Variants in PPARGC1A observed in about 807,000 individuals in gnomAD.
The protein encoded by PPARGC1A is peroxisome proliferator-activated receptor gamma coactivator 1-alpha.
In PPARGC1A, 25 loss-of-function variants were observed where a neutral mutation model predicts 88.7. The ratio of observed to expected loss-of-function variants is 0.28; its 90% CI spans 0.21 to 0.39. The LOEUF (loss-of-function observed/expected upper bound fraction) is 0.39. Ranked by LOEUF, PPARGC1A falls within the 10% of genes least tolerant of loss-of-function variation. The probability of loss-of-function intolerance (pLI) is 1.00; values close to 1 mark genes in which losing one functional copy is unlikely to be tolerated. For missense variants in PPARGC1A, 880 were observed against 968.7 expected (o/e 0.91, Z 1.22); for synonymous variants, 363 against 355.6 (o/e 1.02, Z -0.24).
At chr4:24,118,937 C>A in the PPARGC1A span, among the ~76,000 whole-genome samples, 1 of 152,192 alleles carries the variant, frequency 6.6e-6, no homozygotes, top group African/African-American at 2.4e-5. Flanking sequence ...CTAAAAATAA[C>A]AAAAGGTGCA....
the PPARGC1A span, among the ~76,000 whole-genome samples, chr4:24,197,736 C>A: frequency 5.3e-5 from 8 of 152,200 alleles, no homozygotes; most frequent in Non-Finnish European, 1.2e-4. Context: ...TGCCACAGAA[C>A]CCAACAATCC....
At chr4:24,348,109 T>C in the PPARGC1A span, among the ~76,000 whole-genome samples, 1 of 152,224 alleles carries the variant, frequency 6.6e-6, no homozygotes, top group African/African-American at 2.4e-5. Context: ...ATAATTGCTT[T>C]GTTTGAGGAG....
chr4:23,982,807 T>C, the PPARGC1A span, among the ~76,000 whole-genome samples: 4 of 152,106 alleles, frequency 2.6e-5, no homozygotes, highest in African/African-American at 9.7e-5. Context: ...ATAACGTCTG[T>C]AAAGCAGTTG....
At chr4:24,051,187 C>CAAAAAAAAAAAAA in the PPARGC1A span, among the ~76,000 whole-genome samples, 1 of 58,618 alleles carries the variant, frequency 1.7e-5, no homozygotes, top group Non-Finnish European at 2.9e-5. Context: ...GACTCTGTCT[C>CAAAAAAAAAAAAA]AAAAAAAAAA....
the PPARGC1A span, among the ~76,000 whole-genome samples, chr4:23,959,612 T>C: frequency 6.6e-6 from 1 of 152,068 alleles, no homozygotes; most frequent in African/African-American, 2.4e-5. Context: ...CTTGGAAAGA[T>C]GCCAACAGGA....
At chr4:24,023,651 T>A in the PPARGC1A span, among the ~76,000 whole-genome samples, 21 of 152,278 alleles carry the variant, frequency 1.4e-4, no homozygotes, top group South Asian at 4.4e-3. Flanking sequence ...CAAGAGAAAC[T>A]AAGACAGGTC....
At chr4:24,184,304 T>C in the PPARGC1A span, among the ~76,000 whole-genome samples, 4 of 152,208 alleles carry the variant, frequency 2.6e-5, no homozygotes, top group Admixed American at 2.0e-4. Flanking sequence ...GAAAAAATAT[T>C]CTGTTTTCCA....
intron 5 of PPARGC1A, among the ~76,000 whole-genome samples, chr4:23,827,123 T>C (rs1724096952): frequency 6.6e-6 from 1 of 152,126 alleles, no homozygotes; most frequent in South Asian, 2.1e-4. Flanking sequence ...GCTGGAGCAA[T>C]GAGAATGCGG....
the PPARGC1A span, among the ~76,000 whole-genome samples, chr4:24,353,987 T>G: frequency 1.3e-5 from 2 of 152,212 alleles, no homozygotes; most frequent in Non-Finnish European, 2.9e-5. Flanking sequence ...CAAATTTATT[T>G]TCTTACAGCT....
the PPARGC1A span, among the ~76,000 whole-genome samples, chr4:24,393,698 G>A: frequency 5.9e-5 from 9 of 152,178 alleles, no homozygotes; most frequent in East Asian, 1.2e-3. Flanking sequence ...CATTTCTGTC[G>A]TCAGTACCAC....
the PPARGC1A span, among the ~76,000 whole-genome samples, chr4:24,339,192 ATGTGTGTGTGTGTGTG>A: frequency 3.3e-5 from 3 of 91,276 alleles, no homozygotes; most frequent in South Asian, 8.6e-4. Context: ...AGGTTCATCC[ATGTGTGTGTGTGTGTG>A]TGTGTATATA....
At chr4:23,941,521 A>C in the PPARGC1A span, among the ~76,000 whole-genome samples, 271 of 152,336 alleles carry the variant, frequency 1.8e-3, 2 homozygotes, top group African/African-American at 6.2e-3. Context: ...TAAAATCGAA[A>C]TAATGGCCCA....
the PPARGC1A span, among the ~76,000 whole-genome samples, chr4:24,267,082 C>T: frequency 1.3e-3 from 200 of 152,254 alleles, 4 homozygotes; most frequent in African/African-American, 4.6e-3. Context: ...AGCTGAATGA[C>T]TTGATGACTC....
the PPARGC1A span, among the ~76,000 whole-genome samples, chr4:24,468,807 G>A: frequency 7.9e-5 from 12 of 152,056 alleles, no homozygotes; most frequent in South Asian, 4.2e-4. Flanking sequence ...AACGAGAGGC[G>A]TCATAATCAT....
At chr4:24,279,963 T>C in the PPARGC1A span, among the ~76,000 whole-genome samples, 1 of 152,044 alleles carries the variant, frequency 6.6e-6, no homozygotes, top group Admixed American at 6.6e-5. Flanking sequence ...CTGAGAGCTA[T>C]TATTAGAGAG....
the PPARGC1A span, among the ~76,000 whole-genome samples, chr4:23,938,426 A>C: frequency 6.6e-6 from 1 of 152,188 alleles, no homozygotes; most frequent in Non-Finnish European, 1.5e-5. Context: ...TACATGTCAT[A>C]TGTTATTCTA....
chr4:23,923,905 G>A, the PPARGC1A span, among the ~76,000 whole-genome samples: 2 of 152,008 alleles, frequency 1.3e-5, no homozygotes, highest in Admixed American at 6.6e-5. Flanking sequence ...TTTTCCTTGA[G>A]AGGACTACAC....
At chr4:23,893,607 C>T (rs370494890), upstream of PPARGC1A, among the ~76,000 whole-genome samples, 19 of 152,182 alleles carry the variant, frequency 1.2e-4, no homozygotes, top group East Asian at 2.5e-3. Context: ...TCCCAAATAA[C>T]GTAAGCAAAT....
chr4:23,876,703 G>T (rs1714753707), intron 2 of PPARGC1A, among the ~76,000 whole-genome samples: 1 of 151,994 alleles, frequency 6.6e-6, no homozygotes, highest in South Asian at 2.1e-4. Context: ...ATGAAAAAGT[G>T]CAGTGAAGCT....
Sources: allele counts gnomAD v4.1 joint callset (sites outside exome capture counted in the v4.1 genomes callset), GRCh38; gene constraint gnomAD v4.1.1; transcripts MANE v1.5; gene names NCBI Gene and HGNC (gene_info 2026-07-23, HGNC 2026-07-21).